The following SUMF1 variants were observed in gnomAD, a reference collection of about 807,000 sequenced individuals.
SUMF1 encodes sulfatase modifying factor 1, also known as formylglycine-generating enzyme.
In SUMF1, 48 loss-of-function variants were observed where a neutral mutation model predicts 47.6. The observed-to-expected ratio is 1.01, with a 90% CI of 0.80 to 1.28. SUMF1 has a LOEUF of 1.28. Ranked by LOEUF, SUMF1 falls within the 50% of genes most tolerant of loss-of-function variation. The pLI is 0.00. For missense variants in SUMF1, 571 were observed against 485.4 expected, an observed-to-expected ratio of 1.18 and a Z score of -1.66; for synonymous variants, 230 against 192.1, an observed-to-expected ratio of 1.20 and a Z score of -1.63.
At chr3:4,165,380 GC>G (rs1694675864) in intron 8 of SUMF1, among the ~76,000 whole-genome samples, 1 of 152,004 alleles carries the variant, frequency 6.6e-6, no homozygotes, top group African/African-American at 2.4e-5. Context: ...ACAACCAATA[GC>G]CCAGGGATTT....
In SUMF1 at chr3:4,421,555, C is replaced by T. The variant is rs187905212; in HGVS notation, c.520-1409G>A. On this transcript the variant is annotated intron_variant, in intron 3 of 8. Transcript: ENST00000272902. ...AGAACAGTGGCACGGTCATGGCTCA[C>T]TGCAGCCTTGACCTCCTCAGCTCAA... Among the ~76,000 whole-genome samples the T allele has an allele frequency of 2.6e-5, 4 of 152,300 alleles. No individual in the cohort carries two copies. The East Asian group carries it at 7.7e-4, about 29-fold the overall frequency.
chr3:4,150,895 AGGC>A (rs2125104983), intron 8 of SUMF1, among the ~76,000 whole-genome samples: 2 of 151,442 alleles, frequency 1.3e-5, no homozygotes, highest in South Asian at 4.1e-4. Flanking sequence ...CAGGTTCCAT[AGGC>A]TTTAGCTGTC....
chr3:4,089,139 G>C (rs1021399758), intron 8 of SUMF1, among the ~76,000 whole-genome samples: 1 of 152,060 alleles, frequency 6.6e-6, no homozygotes, highest in Non-Finnish European at 1.5e-5. Flanking sequence ...TATCCCTCAT[G>C]TATTCTGAAA....
At chr3:4,260,721 C>T (rs761480214) in intron 8 of SUMF1, among the ~76,000 whole-genome samples, 1 of 151,232 alleles carries the variant, frequency 6.6e-6, no homozygotes, top group Non-Finnish European at 1.5e-5. Flanking sequence ...GGTGACAGAG[C>T]GAGAATATGT....
chr3:4,448,228 C>T (rs1702849542), intron 3 of SUMF1, among the ~76,000 whole-genome samples: 1 of 152,138 alleles, frequency 6.6e-6, no homozygotes, highest in African/African-American at 2.4e-5. Context: ...TTTACCTCAC[C>T]GTTTCCCCCA....
chr3:4,313,919 C>A, intron 8 of SUMF1: 2 of 1,316,130 alleles, frequency 1.5e-6, no homozygotes, highest in Non-Finnish European at 1.0e-6. Flanking sequence ...TAATAGAATT[C>A]TCCATTTAAC....
intron 8 of SUMF1, among the ~76,000 whole-genome samples, chr3:4,135,475 A>C (rs1693903427): frequency 7.2e-6 from 1 of 139,230 alleles, no homozygotes; most frequent in Non-Finnish European, 1.6e-5. Flanking sequence ...GATGTATCTC[A>C]AAATAATAAC....
chr3:4,258,699 G>A (rs1238244853), intron 8 of SUMF1, among the ~76,000 whole-genome samples: 19 of 149,102 alleles, frequency 1.3e-4, no homozygotes, highest in African/African-American at 4.2e-4. Context: ...GTGGAAGTCA[G>A]TGTGGTGATT....
chr3:4,158,077 A>G (rs1694494500), intron 8 of SUMF1, among the ~76,000 whole-genome samples: 1 of 151,656 alleles, frequency 6.6e-6, no homozygotes, highest in South Asian at 2.1e-4. Context: ...TTCAAAGAGC[A>G]TCTGCCCTGT....
At chr3:4,335,491 G>C (rs1007078711) in intron 8 of SUMF1, among the ~76,000 whole-genome samples, 12 of 152,310 alleles carry the variant, frequency 7.9e-5, no homozygotes, top group African/African-American at 2.9e-4. Context: ...ACGGAAGTGG[G>C]AAACTCATCT....
At chr3:4,250,142 C>A (rs1696763719) in intron 8 of SUMF1, among the ~76,000 whole-genome samples, 1 of 150,272 alleles carries the variant, frequency 6.7e-6, no homozygotes, top group Non-Finnish European at 1.5e-5. Flanking sequence ...AAGATTGTGC[C>A]ATTGCCCTCC....
At chr3:4,362,425 A>G (rs1402111727) in intron 8 of SUMF1, among the ~76,000 whole-genome samples, 171 bp from the exon 9 acceptor site, 2 of 152,212 alleles carry the variant, frequency 1.3e-5, no homozygotes, top group East Asian at 1.9e-4. Context: ...AACTAACCAC[A>G]TATTTTCCAA....
intron 3 of SUMF1, among the ~76,000 whole-genome samples, chr3:4,428,686 G>A (rs1205858517): frequency 6.8e-6 from 1 of 147,610 alleles, no homozygotes; most frequent in East Asian, 2.0e-4. Flanking sequence ...AACGTCTACA[G>A]CGAACATATT....
rs1702885999 is a variant in SUMF1 at position 4,449,257 on chromosome 3, A to C, written c.519+9T>G. 6 of 1,614,038 alleles carry C rather than the reference A, an allele frequency of 3.7e-6. No individual in the cohort carries two copies. The highest frequency in any genetic ancestry group is 1.3e-5 in the African/African-American group (1 of 74,940). ...GAGAAATACAGGAGCCTGTTGAAAC[A>C]TTACTTACTGCCTGTTGAATATTGG... On this transcript the variant is annotated intron_variant, in intron 3 of 8. Coordinates refer to ENST00000272902, the MANE Select transcript of SUMF1 (RefSeq NM_182760.4).
chr3:4,111,970 G>A (rs141543530), intron 8 of SUMF1, among the ~76,000 whole-genome samples: 155 of 151,482 alleles, frequency 1.0e-3, no homozygotes, highest in Non-Finnish European at 1.8e-3. Flanking sequence ...TATTAGGATG[G>A]CAATTATAGA....
At chr3:4,430,679 T>C (rs1289493888) in intron 3 of SUMF1, among the ~76,000 whole-genome samples, 1 of 152,028 alleles carries the variant, frequency 6.6e-6, no homozygotes, top group Admixed American at 6.6e-5. Flanking sequence ...AAGTACATCA[T>C]TGAGAAGGGA....
At chr3:4,176,230 T>A (rs1292521638) in intron 8 of SUMF1, among the ~76,000 whole-genome samples, 2 of 151,962 alleles carry the variant, frequency 1.3e-5, no homozygotes, top group Non-Finnish European at 2.9e-5. Flanking sequence ...CCAAGACACA[T>A]AATCATCAGA....
At chr3:4,196,308 C>G (rs752435589) in intron 8 of SUMF1, among the ~76,000 whole-genome samples, 8 of 152,092 alleles carry the variant, frequency 5.3e-5, no homozygotes, top group Non-Finnish European at 1.2e-4. Context: ...ATTGAGGAGT[C>G]TATCTCTAAA....
At chr3:4,218,124 G>A (rs1695978750) in intron 8 of SUMF1, among the ~76,000 whole-genome samples, 1 of 151,824 alleles carries the variant, frequency 6.6e-6, no homozygotes, top group Non-Finnish European at 1.5e-5. Flanking sequence ...AAAAAAAATA[G>A]ACACGCAGGG....
Sources: allele counts gnomAD v4.1 joint callset (sites outside exome capture counted in the v4.1 genomes callset), GRCh38; gene constraint gnomAD v4.1.1; transcripts MANE v1.5; gene names NCBI Gene and HGNC (gene_info 2026-07-23, HGNC 2026-07-21).